GRID2: variants seen among roughly 807,000 people sequenced by gnomAD.
GRID2 encodes glutamate ionotropic receptor delta type subunit 2, also known as glutamate receptor ionotropic, delta-2.
Under a neutral mutation model 114.8 loss-of-function variants are expected in GRID2, and 33 were observed. That is an observed-to-expected ratio of 0.29 (90% confidence interval 0.22 to 0.38). The LOEUF (loss-of-function observed/expected upper bound fraction) is 0.38. GRID2 is among the 10% of genes least tolerant of loss of function. The pLI is 1.00. For missense variants in GRID2, 1,184 were observed against 1,257.7 expected (o/e 0.94, Z 0.89); for synonymous variants, 505 against 449.9 (o/e 1.12, Z -1.55).
Position 93,224,644 on chromosome 4 carries a change from C to A in GRID2, c.994C>A (p.Leu332Ile), listed in dbSNP as rs371885400. The change falls in exon 7 of 16, where the codon CTT becomes ATT. Residue 332 changes from leucine (L) to isoleucine (I), a missense_variant. Around this residue, in one of 3 missense-constraint regions of GRID2, gnomAD observed 455 missense variants for 429.5 expected, o/e 1.06. Transcript: ENST00000282020. Reference sequence around the variant, plus strand: ...CAACCTTTACATATATGACACGGTGCTTCTGCTTGCTAATGCTTTTCATAA... The same window carrying A: ...CAACCTTTACATATATGACACGGTGATTCTGCTTGCTAATGCTTTTCATAA... ...ISNLYIYDTV[L>I]LLANAFHKKL... 1 of 1,610,974 alleles carries A rather than the reference C, an allele frequency of 6.2e-7. No individual in the cohort carries two copies. Among genetic ancestry groups the A allele is most frequent in the African/African-American group, 1.3e-5 (1 of 74,836 alleles).
At chr4:92,660,281 A>G (rs1362706683) in intron 2 of GRID2, among the ~76,000 whole-genome samples, 1 of 151,322 alleles carries the variant, frequency 6.6e-6, no homozygotes, top group Non-Finnish European at 1.5e-5. Context: ...TACAAAGAAT[A>G]AGAACAGATT....
intron 14 of GRID2, among the ~76,000 whole-genome samples, chr4:93,631,547 A>T (rs1484756264): frequency 6.6e-6 from 1 of 152,168 alleles, no homozygotes; most frequent in Non-Finnish European, 1.5e-5. Flanking sequence ...ACATGAACTC[A>T]TCCTTTTTTA....
intron 1 of GRID2, among the ~76,000 whole-genome samples, chr4:92,475,390 G>T (rs1201403884): frequency 2.7e-5 from 4 of 150,848 alleles, no homozygotes; most frequent in Non-Finnish European, 5.9e-5. Flanking sequence ...TCTGCTTGTG[G>T]GTTTCCAGCT....
chr4:93,182,042 T>C (rs1040065547), intron 4 of GRID2, among the ~76,000 whole-genome samples: 4 of 152,148 alleles, frequency 2.6e-5, no homozygotes, highest in Admixed American at 2.6e-4. Flanking sequence ...AAAATAAGCT[T>C]TCTATTTGGC....
Position 93,110,833 on chromosome 4 carries a change from T to C in GRID2, c.615T>C (p.Asn205=), listed in dbSNP as rs1257892890. 1.2e-6 allele frequency: 2 copies of C among 1,611,084 alleles called. No homozygotes were observed. Among genetic ancestry groups the C allele is most frequent in the African/African-American group, 2.7e-5 (2 of 74,850 alleles). Residue 205 remains asparagine (N), a synonymous_variant, in exon 4 of 16, where the codon AAT becomes AAC. Transcript: ENST00000282020. Reference sequence around the variant, plus strand: ...TTCAGAAGGTAGAAAACAACATCAATAAAATGATTACCACTCTCTTTGACA... The same window carrying C: ...TTCAGAAGGTAGAAAACAACATCAACAAAATGATTACCACTCTCTTTGACA... ...VALQKVENNI[N]KMITTLFDTM... is the part of the protein sequence containing the mutation.
intron 4 of GRID2, among the ~76,000 whole-genome samples, chr4:93,167,959 C>T (rs550767277): frequency 1.1e-4 from 16 of 152,012 alleles, no homozygotes; most frequent in East Asian, 9.7e-4. Flanking sequence ...TTTGGGTGAA[C>T]GAGGCAGGTG....
At chr4:92,321,531 A>T (rs1231930233) in intron 1 of GRID2, among the ~76,000 whole-genome samples, 1 of 152,182 alleles carries the variant, frequency 6.6e-6, no homozygotes, top group African/African-American at 2.4e-5. Context: ...CAATTTAGGT[A>T]TGAAATTATT....
intron 11 of GRID2, among the ~76,000 whole-genome samples, chr4:93,461,884 CTT>C (rs1438819586): frequency 1.3e-5 from 2 of 152,108 alleles, no homozygotes; most frequent in African/African-American, 2.4e-5. Context: ...TTAGAAGTCT[CTT>C]ATGTTTAGTT....
At chr4:93,091,930 T>C (rs530872094) in intron 3 of GRID2, among the ~76,000 whole-genome samples, 1 of 152,248 alleles carries the variant, frequency 6.6e-6, no homozygotes, top group East Asian at 1.9e-4. Context: ...AAGGTCAGAA[T>C]GAAATTTTGA....
chr4:93,729,030 T>C (rs1266592432), intron 14 of GRID2, among the ~76,000 whole-genome samples: 2 of 152,212 alleles, frequency 1.3e-5, no homozygotes, highest in Non-Finnish European at 2.9e-5. Context: ...CCTAACATTA[T>C]GATGTCAGCT....
intron 14 of GRID2, among the ~76,000 whole-genome samples, chr4:93,720,739 A>G (rs1023888806): frequency 3.3e-5 from 5 of 152,212 alleles, no homozygotes; most frequent in Non-Finnish European, 7.3e-5. Flanking sequence ...AAAGGAGGAA[A>G]GTTTAATCAC....
At chr4:92,767,397 T>C (rs1428658458) in intron 2 of GRID2, among the ~76,000 whole-genome samples, 1 of 152,176 alleles carries the variant, frequency 6.6e-6, no homozygotes, top group Admixed American at 6.5e-5. Context: ...CAGAAAACCA[T>C]CACTTTGAGC....
At chr4:92,891,135 A>T (rs976605182) in intron 2 of GRID2, among the ~76,000 whole-genome samples, 2 of 151,936 alleles carry the variant, frequency 1.3e-5, no homozygotes, top group African/African-American at 4.8e-5. Context: ...GGGCTAGGGG[A>T]GGGATAGCAT....
At chr4:93,270,689 C>T (rs1335116389) in intron 8 of GRID2, among the ~76,000 whole-genome samples, 1 of 151,980 alleles carries the variant, frequency 6.6e-6, no homozygotes, top group Admixed American at 6.6e-5. Flanking sequence ...AGTGCAGTGG[C>T]ACAATTTCGG....
At chr4:93,161,672 A>T (rs2149408124) in intron 4 of GRID2, among the ~76,000 whole-genome samples, 1 of 151,956 alleles carries the variant, frequency 6.6e-6, no homozygotes, top group African/African-American at 2.4e-5. Context: ...AAAAAATAAC[A>T]ATTTTAAAAA....
intron 14 of GRID2, among the ~76,000 whole-genome samples, chr4:93,655,729 T>G (rs1245662557): frequency 6.6e-6 from 1 of 152,116 alleles, no homozygotes; most frequent in Admixed American, 6.5e-5. Flanking sequence ...GAAGTTTAAA[T>G]TGTTCTAAAT....
chr4:93,326,198 T>A (rs570839994), intron 8 of GRID2, among the ~76,000 whole-genome samples: 55 of 152,232 alleles, frequency 3.6e-4, no homozygotes, highest in African/African-American at 1.3e-3. Flanking sequence ...TTATTGGAAG[T>A]GCCGAAGAAG....
chr4:92,764,170 A>G (rs1738151493), intron 2 of GRID2, among the ~76,000 whole-genome samples: 1 of 152,166 alleles, frequency 6.6e-6, no homozygotes, highest in Non-Finnish European at 1.5e-5. Context: ...GTTCAGCAGC[A>G]CACCACTGGC....
At chr4:92,592,642 T>C (rs1031097589) in intron 2 of GRID2, among the ~76,000 whole-genome samples, 7 of 152,070 alleles carry the variant, frequency 4.6e-5, no homozygotes, top group African/African-American at 1.7e-4. Context: ...ATGAAAGAGC[T>C]GGACAGTTTG....
Sources: allele counts gnomAD v4.1 joint callset (sites outside exome capture counted in the v4.1 genomes callset), GRCh38; gene constraint gnomAD v4.1.1; regional missense constraint gnomAD v4.1.1; transcripts MANE v1.5; gene names NCBI Gene and HGNC (gene_info 2026-07-23, HGNC 2026-07-21).